The following RASSF2 variants were observed in gnomAD, a reference collection of about 807,000 sequenced individuals.
The protein encoded by RASSF2 is Ras association domain family member 2.
A neutral mutation model predicts 46.3 loss-of-function variants in RASSF2; 34 were observed. That is an observed-to-expected ratio of 0.73 (90% CI 0.56 to 0.98). RASSF2 has a LOEUF of 0.98. RASSF2 is among the 50% of genes least tolerant of loss of function. The pLI is 0.00. For synonymous variants in RASSF2, 158 were observed against 162.5 expected, an observed-to-expected ratio of 0.97 and a Z score of 0.21; for missense variants, 364 against 431.2, an observed-to-expected ratio of 0.84 and a Z score of 1.38.
At position 4,784,768 on chromosome 20, in the gene RASSF2, C is replaced by T. The variant is rs973416973; in HGVS notation, c.912-426G>A. The stretch of plus-strand genomic sequence containing the variant: ...TATAAAATTGCTAACAGTTGACCCT[C>T]TTGGGGATCCTACAAAAATGGCAAC... On this transcript the variant is annotated intron_variant, in intron 11 of 11. Transcript: ENST00000379400. Among the ~76,000 whole-genome samples, 8 of 152,266 alleles carry T rather than the reference C, an allele frequency of 5.3e-5. 1 individual carries two copies. In the South Asian group the frequency reaches 1.2e-3, roughly 24 times the overall value.
chr20:4,785,990 G>A (rs1204653098), intron 11 of RASSF2, among the ~76,000 whole-genome samples: 1 of 152,110 alleles, frequency 6.6e-6, no homozygotes, highest in Non-Finnish European at 1.5e-5. Context: ...CCATAAGAGG[G>A]AGGACAAGAG....
intron 7 of RASSF2, 119 bp from the exon 8 acceptor site, chr20:4,789,816 C>T (rs184681837): frequency 2.8e-5 from 22 of 797,056 alleles, no homozygotes; most frequent in African/African-American, 5.1e-5. Flanking sequence ...TGGGAGCCCC[C>T]GGCAGACTGG....
intron 2 of RASSF2, among the ~76,000 whole-genome samples, chr20:4,811,831 A>G (rs1477642274): frequency 1.3e-5 from 2 of 152,106 alleles, no homozygotes; most frequent in African/African-American, 4.8e-5. Flanking sequence ...GGGCCTGTGC[A>G]CACCTCTTCT....
intron 2 of RASSF2, among the ~76,000 whole-genome samples, chr20:4,821,642 C>T (rs985695939): frequency 3.9e-5 from 6 of 152,196 alleles, no homozygotes; most frequent in Non-Finnish European, 8.8e-5. Context: ...AGGAGCGGAA[C>T]TCACCTTCCA....
chr20:4,806,289 A>C (rs372115438), intron 2 of RASSF2, among the ~76,000 whole-genome samples: 1 of 152,342 alleles, frequency 6.6e-6, no homozygotes, highest in East Asian at 1.9e-4. Flanking sequence ...TCATGGGGGA[A>C]CTCAGCCAGA....
intron 8 of RASSF2, 24 bp from the exon 9 acceptor site, chr20:4,788,292 T>G: frequency 2.5e-6 from 4 of 1,593,018 alleles, no homozygotes; most frequent in Non-Finnish European, 3.4e-6. Context: ...AAAAGATTCT[T>G]GTTGAAAGTT....
chr20:4,801,982 C>T (rs1026346346), intron 2 of RASSF2, among the ~76,000 whole-genome samples: 13 of 152,296 alleles, frequency 8.5e-5, no homozygotes, highest in Admixed American at 8.5e-4. Flanking sequence ...TCAGGTGATC[C>T]GCCCGCCTCA....
intron 3 of RASSF2, among the ~76,000 whole-genome samples, chr20:4,798,362 C>T (rs78102912): frequency 3.3e-5 from 5 of 152,098 alleles, no homozygotes; most frequent in Admixed American, 6.5e-5. Flanking sequence ...CCTCGTCTAC[C>T]GACAATACTC....
intron 11 of RASSF2, 85 bp downstream of exon 11, chr20:4,786,146 G>T: frequency 8.9e-7 from 1 of 1,125,292 alleles, no homozygotes; most frequent in Non-Finnish European, 1.3e-6. Flanking sequence ...CAGCAGCTCA[G>T]CACAGTCCCT....
chr20:4,785,966 T>C (rs1925297804), intron 11 of RASSF2, among the ~76,000 whole-genome samples: 1 of 152,174 alleles, frequency 6.6e-6, no homozygotes, highest in Non-Finnish European at 1.5e-5. Context: ...CAACACCTTC[T>C]TTTCAGAGTC....
Position 4,790,460 on chromosome 20 carries a change from G to C in RASSF2, c.528C>G (p.Tyr176Ter). 6.7e-7 allele frequency: 1 copy of C among 1,484,822 alleles called. No homozygotes were observed. The highest frequency in any genetic ancestry group is 8.9e-7 in the Non-Finnish European group (1 of 1,119,908). The allele number at this position is 1,484,822 out of a possible 1,614,324, so 92.0% of individuals were successfully genotyped here. Residue 176 changes from tyrosine to a stop codon, truncating the protein, a stop_gained, in exon 7 of 12, where the codon TAC (tyrosine) becomes TAG (stop). Coordinates refer to ENST00000379400, the MANE Select transcript of RASSF2 (RefSeq NM_014737.3). LOFTEE classifies it high-confidence loss of function. The surrounding 1 kb of genome is among the most constrained non-coding windows in gnomAD (Gnocchi z 4.3). ...CCCCTGTCCACCTTACCTTATGGTTGTAGAAATGGCCGTTGATGGAGAAGC... is the reference window on the plus strand; with the variant it reads ...CCCCTGTCCACCTTACCTTATGGTTCTAGAAATGGCCGTTGATGGAGAAGC... The part of the protein sequence containing the change: ...RHRFSINGHF[Y>*]NHKTSVFTPA...
At chr20:4,785,850 C>T (rs963760990) in intron 11 of RASSF2, among the ~76,000 whole-genome samples, 5 of 152,180 alleles carry the variant, frequency 3.3e-5, no homozygotes, top group Non-Finnish European at 5.9e-5. Flanking sequence ...AGACCCTCAT[C>T]GGAGTGAGCA....
In RASSF2 at chr20:4,812,227, C is replaced by T. The variant is rs1355792985; in HGVS notation, c.-33+10102G>A. 2.6e-5 allele frequency among the ~76,000 whole-genome samples: 4 copies of T among 152,200 alleles called. No homozygotes were observed. The highest frequency in any genetic ancestry group is 2.9e-5 in the Non-Finnish European group (2 of 68,038). On this transcript the variant is annotated intron_variant, in intron 2 of 11. Transcript: ENST00000379400. This position sits in a 1 kb window ranked among gnomAD's most constrained non-coding sequence, Gnocchi z 4.0. ...CTCGGAAGGAAATGGCATACTCTGCCTTCTGCCTTCCTGCTTTATGGAACA... is the reference window on the plus strand; with the variant it reads ...CTCGGAAGGAAATGGCATACTCTGCTTTCTGCCTTCCTGCTTTATGGAACA...
Position 4,805,678 on chromosome 20 carries a change from C to T in RASSF2, c.-32-4616G>A, listed in dbSNP as rs142901252. Among the ~76,000 whole-genome samples, 198 of 152,174 alleles carry T rather than the reference C, an allele frequency of 1.3e-3. 1 individual carries two copies. In the East Asian group the frequency reaches 0.033, roughly 26 times the overall value. ...TGCCTTGCTTTGTGGAGAAATAATC[C>T]GGGAGAAGAGCATCCCGGGGACCAG... On this transcript the variant is annotated intron_variant, in intron 2 of 11. Transcript: ENST00000379400.
At position 4,795,542 on chromosome 20, in the gene RASSF2, G is replaced by A; in HGVS notation, c.287+273C>T. The A allele has an allele frequency of 2.9e-6, 1 of 346,964 alleles. No individual in the cohort carries two copies. Among genetic ancestry groups the A allele is most frequent in the Non-Finnish European group, 5.3e-6 (1 of 188,866 alleles). The allele number at this position is 346,964 out of a possible 1,614,324, so 21.5% of individuals were successfully genotyped here. A position where few individuals can be genotyped will look rare whatever the true frequency, so the allele number is the denominator to read the frequency against. On this transcript the variant is annotated intron_variant, in intron 5 of 11. Transcript: ENST00000379400. This position sits in a 1 kb window ranked among gnomAD's most constrained non-coding sequence, Gnocchi z 4.0. ...TCAGAGACTCCTGAGTTCTCCCTAA[G>A]GGAGGACTCTGACTCAGCAGCTCCC... is the stretch of plus-strand genomic sequence containing the variant.
rs1925068745 is a variant in RASSF2 at position 4,784,097 on chromosome 20, G to A, written c.*176C>T. 3.1e-6 allele frequency: 2 copies of A among 647,246 alleles called. No homozygotes were observed. The highest frequency in any genetic ancestry group is 5.5e-6 in the Non-Finnish European group (2 of 364,344). The allele number at this position is 647,246 out of a possible 1,614,324, so 40.1% of individuals were successfully genotyped here. A position where few individuals can be genotyped will look rare whatever the true frequency, so the allele number is the denominator to read the frequency against. On this transcript the variant is annotated 3_prime_UTR_variant, in exon 12 of 12. Transcript: ENST00000379400. Reference sequence around the variant, plus strand: ...AGAAAAAAGGAGGGCAGGGGTCCAGGGATAGGGAGCTGTCTGCTGACTTCT... The same window carrying A: ...AGAAAAAAGGAGGGCAGGGGTCCAGAGATAGGGAGCTGTCTGCTGACTTCT...
chr20:4,795,700 A>C lies in RASSF2; in HGVS notation c.287+115T>G. 7.7e-7 allele frequency: 1 copy of C among 1,292,668 alleles called. No homozygotes were observed. Among genetic ancestry groups the C allele is most frequent in the South Asian group, 1.4e-5 (1 of 69,036 alleles). 80.1% of individuals were successfully genotyped at this position (1,292,668 alleles called of 1,614,324 possible). ...AAGGCAGGTGGGCAGTAGAGGTAGTAGGAGGAGGAGCCAGGGTCAGGGCTG... is the reference window on the plus strand; with the variant it reads ...AAGGCAGGTGGGCAGTAGAGGTAGTCGGAGGAGGAGCCAGGGTCAGGGCTG... On this transcript the variant is annotated intron_variant, in intron 5 of 11. Transcript: ENST00000379400. The surrounding 1 kb of genome is among the most constrained non-coding windows in gnomAD (Gnocchi z 4.0).
rs899838067 is a variant in RASSF2 at position 4,781,002 on chromosome 20, C to T, written c.*3271G>A. On this transcript the variant is annotated 3_prime_UTR_variant, in exon 12 of 12. Transcript: ENST00000379400. ...AAAAAAGAAAGAAAGAAACCTCTCT[C>T]GGCGATGTATCTGTGACACCACATT... 7 of 151,822 alleles carry T rather than the reference C, an allele frequency of 4.6e-5. No individual in the cohort carries two copies. Among genetic ancestry groups the T allele is most frequent in the Admixed American group, 3.9e-4 (6 of 15,218 alleles). The allele number at this position is 151,822 out of a possible 1,614,324, so 9.4% of individuals were successfully genotyped here.
chr20:4,817,843 G>A (rs1442897137), intron 2 of RASSF2, among the ~76,000 whole-genome samples: 2 of 152,190 alleles, frequency 1.3e-5, no homozygotes, highest in East Asian at 3.8e-4. Context: ...TTTTGTTCTT[G>A]TATAGACAGA....
Sources: allele counts gnomAD v4.1 joint callset (sites outside exome capture counted in the v4.1 genomes callset), GRCh38; gene constraint gnomAD v4.1.1; non-coding constraint Gnocchi (gnomAD v3.1); transcripts MANE v1.5; gene names NCBI Gene and HGNC (gene_info 2026-07-23, HGNC 2026-07-21).